Variants in EML1 observed in about 807,000 individuals in gnomAD.
The protein encoded by EML1 is EMAP like 1, also known as echinoderm microtubule-associated protein-like 1.
In EML1, 27 loss-of-function variants were observed where a neutral mutation model predicts 110.4. The observed-to-expected ratio is 0.24, with a 90% CI of 0.18 to 0.34. EML1 has a LOEUF of 0.34. Ranked by LOEUF, EML1 falls within the 10% of genes least tolerant of loss-of-function variation. The pLI, the probability that EML1 is intolerant of heterozygous loss-of-function variation, is 1.00. For missense variants in EML1, 741 were observed against 1,030.9 expected, an observed-to-expected ratio of 0.72 and a Z score of 3.85; for synonymous variants, 344 against 385.8, an observed-to-expected ratio of 0.89 and a Z score of 1.27.
intron 4 of EML1, among the ~76,000 whole-genome samples, chr14:99,888,178 A>G (rs2059515174): frequency 1.3e-5 from 2 of 152,216 alleles, no homozygotes; most frequent in Non-Finnish European, 2.9e-5. Flanking sequence ...CTCCTCTCTC[A>G]ATGACCTTAG....
chr14:99,738,519 G>A (rs762786399), intron 1 of EML1, among the ~76,000 whole-genome samples: 1 of 152,218 alleles, frequency 6.6e-6, no homozygotes, highest in African/African-American at 2.4e-5. Context: ...CAGCCTTGGC[G>A]GAATGGGGGC....
At chr14:99,878,429 A>C (rs1178686983) in intron 3 of EML1, 56 bp from the exon 4 acceptor site, 36 of 1,548,998 alleles carry the variant, frequency 2.3e-5, no homozygotes, top group Non-Finnish European at 3.0e-5. Context: ...TATGCTTAGC[A>C]ATAAAATAAA....
At chr14:99,896,777 A>ATG (rs199988532) in intron 6 of EML1, among the ~76,000 whole-genome samples, 1 of 150,322 alleles carries the variant, frequency 6.7e-6, no homozygotes, top group Non-Finnish European at 1.5e-5. Flanking sequence ...GTTTGTGTGC[A>ATG]TGTGTGTGTG....
At chr14:99,929,213 A>C (rs2060322438) in intron 17 of EML1, among the ~76,000 whole-genome samples, 1 of 152,236 alleles carries the variant, frequency 6.6e-6, no homozygotes, top group Non-Finnish European at 1.5e-5. Flanking sequence ...CAAAAGTGAA[A>C]GCCCTAAGCC....
intron 1 of EML1, among the ~76,000 whole-genome samples, chr14:99,832,113 A>G (rs940581795): frequency 2.0e-5 from 3 of 152,074 alleles, no homozygotes; most frequent in Admixed American, 1.3e-4. Context: ...GTGTAATCTT[A>G]TGTAACTGGA....
chr14:99,760,997 C>G (rs2057308447), intron 1 of EML1, among the ~76,000 whole-genome samples: 1 of 152,054 alleles, frequency 6.6e-6, no homozygotes, highest in African/African-American at 2.4e-5. Flanking sequence ...ATGCCAGAGC[C>G]CTCTCAGACC....
intron 4 of EML1, among the ~76,000 whole-genome samples, chr14:99,887,325 G>T (rs1462514962): frequency 1.3e-5 from 2 of 152,182 alleles, no homozygotes; most frequent in African/African-American, 4.8e-5. Context: ...TGGAGATATT[G>T]GCCACAACTT....
At chr14:99,751,536 A>T (rs939812938) in intron 1 of EML1, among the ~76,000 whole-genome samples, 3 of 152,138 alleles carry the variant, frequency 2.0e-5, no homozygotes, top group African/African-American at 7.2e-5. Context: ...TACAAAGCCC[A>T]TAGTGTGTGT....
At chr14:99,879,195 C>T (rs995193179) in intron 4 of EML1, among the ~76,000 whole-genome samples, 3 of 152,130 alleles carry the variant, frequency 2.0e-5, no homozygotes, top group East Asian at 1.9e-4. Flanking sequence ...TGATAAGTAT[C>T]AGTGAAACTA....
Position 99,905,124 on chromosome 14 carries a change from C to G in EML1, c.1009-2514C>G, listed in dbSNP as rs1420416662. ...CTGGCATGCCAGGCTTCTGGGTTCC[C>G]TTTCCCTGAGGCGGCCCTAGTGATC... On this transcript the variant is annotated intron_variant, in intron 9 of 21. Transcript: ENST00000262233. This position sits in a 1 kb window ranked among gnomAD's most constrained non-coding sequence, Gnocchi z 4.1. Among the ~76,000 whole-genome samples the G allele has an allele frequency of 1.3e-5, 2 of 152,304 alleles. No individual in the cohort carries two copies. The highest frequency in any genetic ancestry group is 1.9e-4 in the East Asian group (1 of 5,190).
In EML1 at chr14:99,940,338, C is replaced by G. The variant is rs893920284; in HGVS notation, c.*226C>G. The G allele has an allele frequency of 2.5e-6, 1 of 406,644 alleles. No homozygotes were observed. The highest frequency in any genetic ancestry group is 2.1e-5 in the African/African-American group (1 of 48,642). 25.2% of individuals were successfully genotyped at this position (406,644 alleles called of 1,614,324 possible). ...ATATGACACAGTGCACATTGAATAC[C>G]AACAAGGTTGCAACGTTTACATTAT... is the stretch of plus-strand genomic sequence containing the variant. On this transcript the variant is annotated 3_prime_UTR_variant, in exon 22 of 22. Coordinates refer to ENST00000262233, the MANE Select transcript of EML1 (RefSeq NM_004434.3).
At chr14:99,873,975 A>C (rs987714556) in intron 3 of EML1, among the ~76,000 whole-genome samples, 28 of 152,202 alleles carry the variant, frequency 1.8e-4, no homozygotes, top group Admixed American at 9.2e-4. Context: ...GACAAATGAA[A>C]TCATCAGAAA....
At chr14:99,891,910 C>G (rs2059594129) in intron 5 of EML1, among the ~76,000 whole-genome samples, 1 of 152,102 alleles carries the variant, frequency 6.6e-6, no homozygotes, top group African/African-American at 2.4e-5. Context: ...TCAGCATGTG[C>G]TTTAGTGTTC....
chr14:99,811,623 T>A (rs12433398), intron 1 of EML1, among the ~76,000 whole-genome samples: 1 of 126,932 alleles, frequency 7.9e-6, no homozygotes, highest in East Asian at 2.3e-4. Context: ...GGCAACACGA[T>A]AAAACCCTGT....
chr14:99,778,545 T>C (rs2057507179), intron 1 of EML1, among the ~76,000 whole-genome samples: 1 of 152,216 alleles, frequency 6.6e-6, no homozygotes, highest in Non-Finnish European at 1.5e-5. Flanking sequence ...TTCCTGCAGA[T>C]TCCTTTTATT....
intron 1 of EML1, among the ~76,000 whole-genome samples, chr14:99,787,484 G>A (rs2057614222): frequency 6.6e-6 from 1 of 151,934 alleles, no homozygotes; most frequent in South Asian, 2.1e-4. Flanking sequence ...TCACCATGTT[G>A]GCCAGGCTGG....
chr14:99,895,082 T>TGA (rs760568805), intron 6 of EML1, among the ~76,000 whole-genome samples: 11 of 151,612 alleles, frequency 7.3e-5, no homozygotes, highest in Admixed American at 2.6e-4. Flanking sequence ...TATGATTGTA[T>TGA]GAGTGATTTT....
chr14:99,908,972 C>T (rs576245218), intron 10 of EML1, among the ~76,000 whole-genome samples: 1 of 152,320 alleles, frequency 6.6e-6, no homozygotes, highest in East Asian at 1.9e-4. Flanking sequence ...GAACCCATGA[C>T]TAGCAGATGA....
intron 1 of EML1, among the ~76,000 whole-genome samples, chr14:99,832,291 G>C (rs1595356312): frequency 6.6e-6 from 1 of 152,108 alleles, no homozygotes; most frequent in African/African-American, 2.4e-5. Context: ...CATTTGGGCT[G>C]TTTCCCAAAT....
Sources: allele counts gnomAD v4.1 joint callset (sites outside exome capture counted in the v4.1 genomes callset), GRCh38; gene constraint gnomAD v4.1.1; non-coding constraint Gnocchi (gnomAD v3.1); transcripts MANE v1.5; gene names NCBI Gene and HGNC (gene_info 2026-07-23, HGNC 2026-07-21).